Variants in SPTBN1 observed in about 807,000 individuals in gnomAD.
The protein encoded by SPTBN1 is spectrin beta, non-erythrocytic 1.
Under a neutral mutation model 266.4 loss-of-function variants are expected in SPTBN1, and 32 were observed. The ratio of observed to expected loss-of-function variants is 0.12; its 90% confidence interval spans 0.09 to 0.16. The LOEUF (loss-of-function observed/expected upper bound fraction) is 0.16, where lower values mean the gene tolerates loss of function less well. Among genes scored for constraint, SPTBN1 ranks in the 10% least tolerant of loss-of-function variants. SPTBN1 has a pLI of 1.00. For synonymous variants in SPTBN1, 1,336 were observed against 1,162.2 expected, an observed-to-expected ratio of 1.15 and a Z score of -3.04; for missense variants, 2,296 against 3,067.1, an observed-to-expected ratio of 0.75 and a Z score of 5.94.
At chr2:54,511,962 C>T (rs575258628) in intron 1 of SPTBN1, among the ~76,000 whole-genome samples, 70 of 152,266 alleles carry the variant, frequency 4.6e-4, no homozygotes, top group African/African-American at 1.6e-3. Flanking sequence ...GATGGTCCAT[C>T]GGCAGGGGTG....
In SPTBN1 at chr2:54,606,736, G is replaced by A. The variant is rs138778043; in HGVS notation, c.301-5425G>A. On this transcript the variant is annotated intron_variant, in intron 3 of 35. Transcript: ENST00000356805. ...CATATGCAGTTCTGTGACTGCTGGC[G>A]GGGAGAGCTGCTCCACCCACCTCTT... Among the ~76,000 whole-genome samples, 11 of 152,288 alleles carry A rather than the reference G, an allele frequency of 7.2e-5. No individual in the cohort carries two copies. The East Asian group carries it at 1.5e-3, about 21-fold the overall frequency.
chr2:54,670,957 TG>T lies in SPTBN1; in HGVS notation c.*2389del, dbSNP rs1345338107. ...CAGGGTAAATAGTTTTTGGGTTTTT[TG>T]TTTTTTTTTTATTCTTCCACTATCA... is the stretch of plus-strand genomic sequence containing the variant. On this transcript the variant is annotated 3_prime_UTR_variant, in exon 36 of 36. Coordinates refer to ENST00000356805, the MANE Select transcript of SPTBN1 (RefSeq NM_003128.3). 1.0e-3 allele frequency: 406 copies of T among 395,384 alleles called. No homozygotes were observed. Among genetic ancestry groups the T allele is most frequent in the African/African-American group, 7.0e-3 (332 of 47,506 alleles). 24.5% of individuals were successfully genotyped at this position (395,384 alleles called of 1,614,324 possible). A position where few individuals can be genotyped will look rare whatever the true frequency, so the allele number is the denominator to read the frequency against.
At chr2:54,471,298 T>C (rs1223616787) in intron 1 of SPTBN1, among the ~76,000 whole-genome samples, 4 of 152,232 alleles carry the variant, frequency 2.6e-5, no homozygotes, top group African/African-American at 9.6e-5. Context: ...TTAGTTGATC[T>C]TGCTCATTTC....
At chr2:54,492,336 CA>C (rs1558775034) in intron 1 of SPTBN1, among the ~76,000 whole-genome samples, 6 of 115,106 alleles carry the variant, frequency 5.2e-5, no homozygotes, top group East Asian at 3.1e-4. Context: ...AGTTTGTCTG[CA>C]GTTGTTTTTT....
chr2:54,542,144 A>C (rs1381292352), intron 2 of SPTBN1, among the ~76,000 whole-genome samples: 1 of 152,258 alleles, frequency 6.6e-6, no homozygotes, highest in African/African-American at 2.4e-5. Flanking sequence ...TGTGCCAGGC[A>C]CTGTGATCGG....
At chr2:54,618,854 G>T (rs78470465) in intron 7 of SPTBN1, among the ~76,000 whole-genome samples, 4 of 152,134 alleles carry the variant, frequency 2.6e-5, no homozygotes, top group Non-Finnish European at 5.9e-5. Context: ...CCCATTATCT[G>T]CACGGAACTA....
At chr2:54,557,890 C>T (rs999058308) in intron 2 of SPTBN1, 2 of 985,272 alleles carry the variant, frequency 2.0e-6, no homozygotes, top group East Asian at 1.1e-4. Context: ...GACTTCTTCC[C>T]GGTGGCTCGC....
chr2:54,492,612 G>A (rs1197512492), intron 1 of SPTBN1, among the ~76,000 whole-genome samples: 2 of 152,096 alleles, frequency 1.3e-5, no homozygotes, highest in East Asian at 3.8e-4. Context: ...TTTATATGGG[G>A]TTTGGTTTTT....
intron 18 of SPTBN1, among the ~76,000 whole-genome samples, chr2:54,638,467 A>G (rs1336508897): frequency 6.6e-6 from 1 of 152,268 alleles, no homozygotes; most frequent in Non-Finnish European, 1.5e-5. Flanking sequence ...CTAACATGCA[A>G]AGAGCAGTAA....
rs1681543873 is a variant in SPTBN1 at position 54,668,622 on chromosome 2, C to T, written c.*53C>T. 2 of 1,512,228 alleles carry T rather than the reference C, an allele frequency of 1.3e-6. No individual in the cohort carries two copies. Among genetic ancestry groups the T allele is most frequent in the South Asian group, 2.4e-5 (2 of 83,414 alleles). 93.7% of individuals were successfully genotyped at this position (1,512,228 alleles called of 1,614,324 possible). A position where few individuals can be genotyped will look rare whatever the true frequency, so the allele number is the denominator to read the frequency against. ...TCTTACCTTTTCAGTGAAATTCCAGCATGCAAGCTCAGAACCAACACATTA... is the reference window on the plus strand; with the variant it reads ...TCTTACCTTTTCAGTGAAATTCCAGTATGCAAGCTCAGAACCAACACATTA... On this transcript the variant is annotated 3_prime_UTR_variant, in exon 36 of 36. Coordinates refer to ENST00000356805, the MANE Select transcript of SPTBN1 (RefSeq NM_003128.3).
At chr2:54,515,573 C>T (rs1670069365) in intron 1 of SPTBN1, among the ~76,000 whole-genome samples, 3 of 152,058 alleles carry the variant, frequency 2.0e-5, no homozygotes, top group African/African-American at 7.2e-5. Flanking sequence ...GCTCTGTCCC[C>T]CAGGCTGTAG....
intron 5 of SPTBN1, 149 bp downstream of exon 5, chr2:54,616,447 A>G (rs552957328): frequency 6.3e-5 from 35 of 552,800 alleles, no homozygotes; most frequent in Admixed American, 3.1e-4. Context: ...TGACTTTTCA[A>G]TTAGCTCTCA....
chr2:54,653,453 G>A lies in SPTBN1; in HGVS notation c.5578-156G>A. On this transcript the variant is annotated intron_variant, in intron 26 of 35. Coordinates refer to ENST00000356805, the MANE Select transcript of SPTBN1 (RefSeq NM_003128.3). This position sits in a 1 kb window ranked among gnomAD's most constrained non-coding sequence, Gnocchi z 5.1. ...ATAGAAAACGGGTTTTTGTGACTTG[G>A]ATCTCCCCAGTGAAATTGAGGGCTC... 3 of 1,213,396 alleles carry A rather than the reference G, an allele frequency of 2.5e-6. No homozygotes were observed. The highest frequency in any genetic ancestry group is 3.4e-6 in the Non-Finnish European group (3 of 892,170). The allele number at this position is 1,213,396 out of a possible 1,614,324, so 75.2% of individuals were successfully genotyped here.
chr2:54,462,860 C>G (rs1480689180), intron 1 of SPTBN1, among the ~76,000 whole-genome samples: 1 of 152,216 alleles, frequency 6.6e-6, no homozygotes, highest in Non-Finnish European at 1.5e-5. Flanking sequence ...CATCGAAAAT[C>G]AGTAATGGTA....
At chr2:54,580,081 G>A (rs1050284845) in intron 2 of SPTBN1, among the ~76,000 whole-genome samples, 1 of 152,192 alleles carries the variant, frequency 6.6e-6, no homozygotes, top group African/African-American at 2.4e-5. Flanking sequence ...TTCCGGGCTG[G>A]CTCTGACAGC....
At chr2:54,606,273 T>TC (rs1458507313) in intron 3 of SPTBN1, among the ~76,000 whole-genome samples, 2 of 152,194 alleles carry the variant, frequency 1.3e-5, no homozygotes, top group Non-Finnish European at 2.9e-5. Flanking sequence ...ATTATTCTCT[T>TC]CCTTAACTTC....
At chr2:54,529,111 G>A (rs560915991) in intron 2 of SPTBN1, among the ~76,000 whole-genome samples, 1 of 152,318 alleles carries the variant, frequency 6.6e-6, no homozygotes, top group African/African-American at 2.4e-5. Flanking sequence ...GTTAAAGCAC[G>A]GGATGCTGAT....
At chr2:54,477,842 C>T (rs192955709) in intron 1 of SPTBN1, among the ~76,000 whole-genome samples, 290 of 151,660 alleles carry the variant, frequency 1.9e-3, no homozygotes, top group African/African-American at 6.5e-3. Flanking sequence ...ACCTGGGAGG[C>T]GGAGGTTGCA....
At position 54,623,446 on chromosome 2, in the gene SPTBN1, C is replaced by T. The variant is rs1365312605; in HGVS notation, c.1065-33C>T. On this transcript the variant is annotated intron_variant, in intron 9 of 35. Coordinates refer to ENST00000356805, the MANE Select transcript of SPTBN1 (RefSeq NM_003128.3). ...TGACAGTGTGAAATTTTTTTTTCTC[C>T]AGTACCAAATGAATGTTTTCCCCTG... The T allele has an allele frequency of 2.5e-6, 4 of 1,593,454 alleles. No individual in the cohort carries two copies. The South Asian group carries it at 3.3e-5, about 13-fold the overall frequency.
Sources: gnomAD v4.1 joint callset for allele counts (sites outside exome capture counted in the v4.1 genomes callset) on GRCh38, gnomAD v4.1.1 for gene constraint, Gnocchi (gnomAD v3.1) non-coding constraint, MANE v1.5 for transcripts, NCBI Gene and HGNC (gene_info 2026-07-23, HGNC 2026-07-21) for gene names.